The following XKR6 variants were observed in gnomAD, a reference collection of about 807,000 sequenced individuals.
XKR6 encodes the protein XK related 6.
A neutral mutation model predicts 56.7 loss-of-function variants in XKR6; 22 were observed. That is an observed-to-expected ratio of 0.39 (90% CI 0.28 to 0.55). The LOEUF is 0.55. Among genes scored for constraint, XKR6 ranks in the 20% least tolerant of loss-of-function variants. The pLI is 0.66. For synonymous variants in XKR6, 524 were observed against 387.8 expected, an observed-to-expected ratio of 1.35 and a Z score of -4.13; for missense variants, 852 against 889.0, an observed-to-expected ratio of 0.96 and a Z score of 0.53.
chr8:11,167,205 A>C (rs56021916), intron 1 of XKR6, among the ~76,000 whole-genome samples: 8,470 of 152,292 alleles, frequency 0.056, 783 homozygotes, highest in African/African-American at 0.19. Flanking sequence ...AGAACTCTGG[A>C]AAACAGTGAA....
chr8:11,017,101 T>G (rs1471313524), intron 1 of XKR6, among the ~76,000 whole-genome samples: 7 of 152,286 alleles, frequency 4.6e-5, no homozygotes, highest in Middle Eastern at 3.4e-3. Context: ...GATAGATGGT[T>G]GGATAAAGAT....
At chr8:10,938,487 G>C (rs1801295704) in intron 1 of XKR6, among the ~76,000 whole-genome samples, 1 of 152,128 alleles carries the variant, frequency 6.6e-6, no homozygotes, top group Non-Finnish European at 1.5e-5. Context: ...AAACAATTAT[G>C]GTAATCCATA....
chr8:10,960,035 C>G (rs1802014313), intron 1 of XKR6, among the ~76,000 whole-genome samples: 1 of 152,190 alleles, frequency 6.6e-6, no homozygotes, highest in South Asian at 2.1e-4. Context: ...AAATTTGCAC[C>G]TGGCACCTTG....
intron 1 of XKR6, among the ~76,000 whole-genome samples, chr8:10,977,397 G>A (rs1802598525): frequency 6.6e-6 from 1 of 151,962 alleles, no homozygotes; most frequent in African/African-American, 2.4e-5. Context: ...CCCCTGCACA[G>A]GTTAAGAGAT....
chr8:11,177,498 C>G (rs919426054), intron 1 of XKR6, among the ~76,000 whole-genome samples: 1 of 152,180 alleles, frequency 6.6e-6, no homozygotes, highest in South Asian at 2.1e-4. Context: ...AACCCCCTCC[C>G]CCAAAAATTC....
rs1446603092 is a variant in XKR6 at position 10,898,797 on chromosome 8, C to G, written c.1081G>C (p.Val361Leu). ...SMSYRGAIIQ[V>L]FWRLFTISSR... ...GAGATGGTGAAGAGGCGCCAGAAGA[C>G]CTGGATGATGGCCCCTCTGTAGCTC... Residue 361 changes from valine to leucine, a missense_variant, in exon 3 of 3, where the codon GTC becomes CTC. Around this residue, in one of 4 missense-constraint regions of XKR6, gnomAD observed 199 missense variants for 280.4 expected, o/e 0.71. Coordinates refer to ENST00000416569, the MANE Select transcript of XKR6 (RefSeq NM_173683.4). The surrounding 1 kb of genome is among the most constrained non-coding windows in gnomAD (Gnocchi z 6.6). 1.2e-6 allele frequency: 2 copies of G among 1,614,150 alleles called. 1 individual carries two copies. The highest frequency in any genetic ancestry group is 2.7e-5 in the African/African-American group (2 of 75,032).
At chr8:11,125,571 T>A (rs1302656673) in intron 1 of XKR6, among the ~76,000 whole-genome samples, 3 of 152,122 alleles carry the variant, frequency 2.0e-5, no homozygotes, top group Non-Finnish European at 4.4e-5. Context: ...GAGAAGATCC[T>A]CATGGCTTCC....
At chr8:11,146,968 G>A (rs1053398148) in intron 1 of XKR6, among the ~76,000 whole-genome samples, 1 of 152,050 alleles carries the variant, frequency 6.6e-6, no homozygotes, top group Non-Finnish European at 1.5e-5. Context: ...ACAAGCTGGG[G>A]AAGAGGAAAA....
At chr8:10,960,456 G>T (rs1479719138) in intron 1 of XKR6, among the ~76,000 whole-genome samples, 1 of 152,204 alleles carries the variant, frequency 6.6e-6, no homozygotes, top group Non-Finnish European at 1.5e-5. Flanking sequence ...AATGATTAAA[G>T]TAAGAGAGAC....
chr8:10,994,307 C>T (rs1371184529), intron 1 of XKR6, among the ~76,000 whole-genome samples: 2 of 152,254 alleles, frequency 1.3e-5, no homozygotes, highest in Non-Finnish European at 2.9e-5. Context: ...TCGGCTAAGC[C>T]AGCTCCCCCA....
intron 1 of XKR6, chr8:11,126,176 C>T (rs950318766): frequency 2.0e-5 from 3 of 151,838 alleles, no homozygotes; most frequent in African/African-American, 7.3e-5. Context: ...TCAAACTATT[C>T]TCCTGCCTCA....
intron 1 of XKR6, among the ~76,000 whole-genome samples, chr8:10,958,008 A>T (rs140342579): frequency 6.6e-6 from 1 of 152,342 alleles, no homozygotes; most frequent in East Asian, 1.9e-4. Context: ...AAGGAAAAAG[A>T]AACCCACGTG....
chr8:10,913,126 G>T (rs2129111875), intron 2 of XKR6, among the ~76,000 whole-genome samples: 1 of 151,582 alleles, frequency 6.6e-6, no homozygotes, highest in African/African-American at 2.4e-5. Flanking sequence ...GGGTGTGTAT[G>T]TATGTCATCT....
chr8:11,179,290 G>T (rs11777887), intron 1 of XKR6, among the ~76,000 whole-genome samples: 1 of 151,858 alleles, frequency 6.6e-6, no homozygotes, highest in African/African-American at 2.4e-5. Context: ...GATTCCTTTA[G>T]GTAACTGTTA....
intron 1 of XKR6, among the ~76,000 whole-genome samples, chr8:11,052,562 C>T (rs1157327666): frequency 6.6e-6 from 1 of 152,068 alleles, no homozygotes; most frequent in Non-Finnish European, 1.5e-5. Context: ...AGGGTGGGGG[C>T]ATCTCCTTCA....
At chr8:10,905,448 C>T (rs1344109955) in intron 2 of XKR6, among the ~76,000 whole-genome samples, 1 of 152,188 alleles carries the variant, frequency 6.6e-6, no homozygotes, top group Non-Finnish European at 1.5e-5. Context: ...GGTTTCTTAT[C>T]CCCATATTGT....
intron 1 of XKR6, among the ~76,000 whole-genome samples, chr8:11,110,587 C>T (rs980532066): frequency 2.6e-5 from 4 of 152,118 alleles, no homozygotes; most frequent in South Asian, 2.1e-4. Flanking sequence ...CTCTGAATGT[C>T]GTCTTAAAAG....
chr8:10,948,655 G>T (rs576410897), intron 1 of XKR6, among the ~76,000 whole-genome samples: 64 of 152,114 alleles, frequency 4.2e-4, no homozygotes, highest in Admixed American at 1.4e-3. Context: ...CTCCCACCCC[G>T]CAGGACCCGG....
At chr8:11,066,271 C>T (rs1475269491) in intron 1 of XKR6, among the ~76,000 whole-genome samples, 2 of 152,242 alleles carry the variant, frequency 1.3e-5, no homozygotes, top group Admixed American at 6.5e-5. Context: ...TCTGCCTGTT[C>T]GAAACAGACT....
Sources: gnomAD v4.1 joint callset for allele counts (sites outside exome capture counted in the v4.1 genomes callset) on GRCh38, gnomAD v4.1.1 for gene constraint, gnomAD v4.1.1 regional missense constraint, Gnocchi (gnomAD v3.1) non-coding constraint, MANE v1.5 for transcripts, NCBI Gene and HGNC (gene_info 2026-07-23, HGNC 2026-07-21) for gene names.